GSK3B: variants seen among roughly 807,000 people sequenced by gnomAD.
GSK3B encodes the protein glycogen synthase kinase-3 beta.
GSK3B carries 15 observed loss-of-function variants against 56.4 expected under a neutral mutation model. That is an observed-to-expected ratio of 0.27 (90% confidence interval 0.18 to 0.41). GSK3B has a LOEUF of 0.41. Among genes scored for constraint, GSK3B ranks in the 10% least tolerant of loss-of-function variants. The pLI, the probability that GSK3B is intolerant of heterozygous loss-of-function variation, is 1.00. For missense variants in GSK3B, 300 were observed against 513.4 expected, an observed-to-expected ratio of 0.58 and a Z score of 4.02; for synonymous variants, 181 against 188.9, an observed-to-expected ratio of 0.96 and a Z score of 0.34.
chr3:119,844,852 C>A (rs569439934), intron 9 of GSK3B, among the ~76,000 whole-genome samples: 20 of 152,202 alleles, frequency 1.3e-4, no homozygotes, highest in African/African-American at 4.6e-4. Context: ...GGCAGAGACA[C>A]AAGAAAGAAA....
rs1044871017 is a variant in GSK3B, at chr3:119,857,047, C to A, written c.1096+6372G>T. Among the ~76,000 whole-genome samples the A allele has an allele frequency of 3.9e-5, 6 of 152,080 alleles. No individual in the cohort carries two copies. In the East Asian group the frequency reaches 7.7e-4, roughly 20 times the overall value. On this transcript the variant is annotated intron_variant, in intron 9 of 10. Transcript: ENST00000264235. Reference sequence around the variant, plus strand: ...CAATAAGCATTACATCTAAAAAAAACCACATATATACCTTAATTTAAAAAT... The same window carrying A: ...CAATAAGCATTACATCTAAAAAAAAACACATATATACCTTAATTTAAAAAT...
intron 4 of GSK3B, among the ~76,000 whole-genome samples, chr3:119,921,334 AGT>A (rs1429985199): frequency 6.6e-6 from 1 of 152,236 alleles, no homozygotes; most frequent in African/African-American, 2.4e-5. Context: ...GAATAATAAC[AGT>A]AGACTATCAA....
At chr3:120,005,239 A>C (rs1454574358) in intron 1 of GSK3B, among the ~76,000 whole-genome samples, 1 of 152,182 alleles carries the variant, frequency 6.6e-6, no homozygotes, top group African/African-American at 2.4e-5. Context: ...AAAGAGTGAA[A>C]AGAAATGAAC....
At chr3:119,885,407 T>C (rs1215952928) in intron 7 of GSK3B, among the ~76,000 whole-genome samples, 1 of 152,102 alleles carries the variant, frequency 6.6e-6, no homozygotes, top group Non-Finnish European at 1.5e-5. Context: ...GCTCATGGAT[T>C]GGAAGAATCA....
intron 1 of GSK3B, among the ~76,000 whole-genome samples, chr3:120,085,282 A>G (rs1310244300): frequency 6.6e-6 from 1 of 152,210 alleles, no homozygotes; most frequent in East Asian, 1.9e-4. Flanking sequence ...ATATCTTATT[A>G]TTAAAAGTCT....
intron 1 of GSK3B, chr3:120,028,832 G>A (rs2057951568): frequency 2.3e-6 from 1 of 437,538 alleles, no homozygotes; most frequent in Non-Finnish European, 4.3e-6. Flanking sequence ...AACTCACTGA[G>A]GCCCTAGCCC....
intron 1 of GSK3B, among the ~76,000 whole-genome samples, chr3:120,081,557 C>A (rs1217725985): frequency 6.6e-6 from 1 of 151,998 alleles, no homozygotes; most frequent in African/African-American, 2.4e-5. Context: ...AAAAAACAAA[C>A]AAACAAAACA....
chr3:120,084,739 A>C (rs1207962136), intron 1 of GSK3B: 1 of 152,208 alleles, frequency 6.6e-6, no homozygotes, highest in Non-Finnish European at 1.5e-5. Flanking sequence ...TGTGCTATTA[A>C]TTGTTCATTG....
At chr3:119,907,074 A>T (rs1482547676) in intron 6 of GSK3B, among the ~76,000 whole-genome samples, 1 of 152,128 alleles carries the variant, frequency 6.6e-6, no homozygotes, top group Non-Finnish European at 1.5e-5. Flanking sequence ...TTGTTAGGGA[A>T]TCTTTACTCA....
At chr3:119,916,316 G>T in intron 4 of GSK3B, 142 bp from the exon 5 acceptor site, 1 of 624,258 alleles carries the variant, frequency 1.6e-6, no homozygotes, top group Non-Finnish European at 2.7e-6. Flanking sequence ...CCTTTCACAA[G>T]TTTTGTGTCA....
chr3:119,896,511 A>G (rs1216607068), intron 7 of GSK3B, among the ~76,000 whole-genome samples: 1 of 152,162 alleles, frequency 6.6e-6, no homozygotes, highest in Non-Finnish European at 1.5e-5. Flanking sequence ...TAGCATCACA[A>G]GCCAAGATTT....
At chr3:119,851,342 T>C (rs1448024112) in intron 9 of GSK3B, among the ~76,000 whole-genome samples, 1 of 152,088 alleles carries the variant, frequency 6.6e-6, no homozygotes, top group African/African-American at 2.4e-5. Context: ...AATGGAAAAA[T>C]GAAACCTACA....
At chr3:119,959,501 TCTGA>T (rs2057248684) in intron 2 of GSK3B, among the ~76,000 whole-genome samples, 4 of 139,276 alleles carry the variant, frequency 2.9e-5, no homozygotes, top group African/African-American at 5.3e-5. Context: ...CCTCTTTCTC[TCTGA>T]CTTTTTTTTT....
At position 120,025,769 on chromosome 3, in the gene GSK3B, T is replaced by C. The variant is rs79723156; in HGVS notation, c.89-23530A>G. Among the ~76,000 whole-genome samples the C allele has an allele frequency of 1.4e-4, 21 of 152,038 alleles. No homozygotes were observed. The East Asian group carries it at 2.3e-3, about 17-fold the overall frequency. Reference sequence around the variant, plus strand: ...AAAGTTAGTCAACCTAAAAGGCAGGTTGGGGGACACATGCGGCAGAGAGGC... The same window carrying C: ...AAAGTTAGTCAACCTAAAAGGCAGGCTGGGGGACACATGCGGCAGAGAGGC... On this transcript the variant is annotated intron_variant, in intron 1 of 10. Transcript: ENST00000264235.
intron 3 of GSK3B, among the ~76,000 whole-genome samples, chr3:119,940,108 GTT>G (rs1491505584): frequency 7.6e-5 from 10 of 131,240 alleles, no homozygotes; most frequent in African/African-American, 2.4e-4. Context: ...GTGTGTGTGT[GTT>G]TGTGTGTGTG....
At chr3:120,071,349 T>C (rs2058324760) in intron 1 of GSK3B, among the ~76,000 whole-genome samples, 2 of 152,210 alleles carry the variant, frequency 1.3e-5, no homozygotes, top group South Asian at 4.1e-4. Flanking sequence ...GAGTATCCTA[T>C]ATATTAAACG....
At chr3:120,000,838 A>G (rs1351008204) in intron 2 of GSK3B, among the ~76,000 whole-genome samples, 1 of 150,032 alleles carries the variant, frequency 6.7e-6, no homozygotes, top group Non-Finnish European at 1.5e-5. Flanking sequence ...AAAAAAAAAA[A>G]GTTACGAGAA....
At chr3:119,865,466 A>ATATT (rs1244552588) in intron 8 of GSK3B, among the ~76,000 whole-genome samples, 44 of 34,106 alleles carry the variant, frequency 1.3e-3, no homozygotes, top group South Asian at 2.7e-3. Flanking sequence ...ATATATATAT[A>ATATT]TTTTTTTTTT....
intron 10 of GSK3B, among the ~76,000 whole-genome samples, chr3:119,835,181 C>T (rs559838662): frequency 6.6e-6 from 1 of 152,350 alleles, no homozygotes; most frequent in South Asian, 2.1e-4. Context: ...ACTTCCCCTA[C>T]TCCCACTCTA....
Sources: gnomAD v4.1 joint callset for allele counts (sites outside exome capture counted in the v4.1 genomes callset) on GRCh38, gnomAD v4.1.1 for gene constraint, MANE v1.5 for transcripts, NCBI Gene and HGNC (gene_info 2026-07-23, HGNC 2026-07-21) for gene names.